KNDC1: variants seen among roughly 807,000 people sequenced by gnomAD.
The protein encoded by KNDC1 is kinase non-catalytic C-lobe domain-containing protein 1.
KNDC1 carries 106 observed loss-of-function variants against 172.8 expected under a neutral mutation model. The ratio of observed to expected loss-of-function variants is 0.61; its 90% CI spans 0.52 to 0.72. KNDC1 has a LOEUF of 0.72. Ranked by LOEUF, KNDC1 falls within the 30% of genes least tolerant of loss-of-function variation. The probability of loss-of-function intolerance (pLI) is 0.00; values close to 1 mark genes in which losing one functional copy is unlikely to be tolerated. For missense variants in KNDC1, 2,325 were observed against 2,394.5 expected (o/e 0.97, Z 0.61); for synonymous variants, 1,083 against 1,062.2 (o/e 1.02, Z -0.38).
At position 133,224,330 on chromosome 10, in the gene KNDC1, C is replaced by G. The variant is rs576189574; in HGVS notation, c.5019-329C>G. Among the ~76,000 whole-genome samples, 7 of 152,300 alleles carry G rather than the reference C, an allele frequency of 4.6e-5. No individual in the cohort carries two copies. Among genetic ancestry groups the G allele is most frequent in the Admixed American group, 6.5e-5 (1 of 15,300 alleles). On this transcript the variant is annotated intron_variant, in intron 29 of 29. Coordinates refer to ENST00000304613, the MANE Select transcript of KNDC1 (RefSeq NM_152643.8). The surrounding 1 kb of genome is among the most constrained non-coding windows in gnomAD (Gnocchi z 5.4). ...CGCTCTGCACGGCAGCAGAGAGTCC[C>G]TTGCCTGCCTCGTCCTCTCAGCTGC...
At chr10:133,202,312 G>A (rs1477285020) in intron 17 of KNDC1, 1 of 479,222 alleles carries the variant, frequency 2.1e-6, no homozygotes, top group Non-Finnish European at 4.1e-6. Context: ...TGCCCAGCAA[G>A]TCTAGACTGG....
chr10:133,225,923 T>C lies in KNDC1; in HGVS notation c.*1033T>C, dbSNP rs1845709846. 1 of 152,252 alleles carries C rather than the reference T, an allele frequency of 6.6e-6. No homozygotes were observed. Among genetic ancestry groups the C allele is most frequent in the African/African-American group, 2.4e-5 (1 of 41,454 alleles). The allele number at this position is 152,252 out of a possible 1,614,324, so 9.4% of individuals were successfully genotyped here. The stretch of plus-strand genomic sequence containing the variant: ...CCGCGCAGTCAGCTCCACATTGGCC[T>C]CTGCAGCTGGGTGACCAGAGCCCCG... On this transcript the variant is annotated 3_prime_UTR_variant, in exon 30 of 30. Coordinates refer to ENST00000304613, the MANE Select transcript of KNDC1 (RefSeq NM_152643.8).
chr10:133,219,314 C>CT (rs1845533211), intron 28 of KNDC1, among the ~76,000 whole-genome samples: 1 of 152,246 alleles, frequency 6.6e-6, no homozygotes, highest in South Asian at 2.1e-4. Flanking sequence ...CCTTGCTGGT[C>CT]TGAGTTCCTC....
At chr10:133,221,038 T>C (rs9419030) in intron 29 of KNDC1, among the ~76,000 whole-genome samples, 122,789 of 151,988 alleles carry the variant, frequency 0.81, 50,422 homozygotes, top group Non-Finnish European at 0.89. Flanking sequence ...TTCCTGCACT[T>C]CTGCTGTCCA....
chr10:133,160,504 G>A lies in KNDC1; in HGVS notation c.37G>A (p.Glu13Lys). ...GGACCCGGCCGCGGCGGATCTTTAC[G>A]AGGAGGACGGCAAAGACCTGGACTT... ...AMDPAAADLY[E>K]EDGKDLDFYD... Residue 13 changes from glutamate to lysine, a missense_variant, in exon 1 of 30, where the codon GAG (glutamate) becomes AAG (lysine). Physicochemically the swap from Glu to Lys is moderately conservative, Grantham distance 56 (BLOSUM62 1). Transcript: ENST00000304613. 1 of 1,590,650 alleles carries A rather than the reference G, an allele frequency of 6.3e-7. No individual in the cohort carries two copies. Among genetic ancestry groups the A allele is most frequent in the Non-Finnish European group, 8.5e-7 (1 of 1,170,424 alleles).
chr10:133,208,444 C>CCCCTT lies in KNDC1; in HGVS notation c.3794+1096_3794+1097insTTCCC, dbSNP rs1320511901. On this transcript the variant is annotated intron_variant, in intron 20 of 29. Coordinates refer to ENST00000304613, the MANE Select transcript of KNDC1 (RefSeq NM_152643.8). ...AAGGACCCTCTAGAGAGGGATGTGG[C>CCCCTT]CCCCCCAACCCCGTTACCCCAAGGA... Among the ~76,000 whole-genome samples, 2 of 33,430 alleles carry CCCCTT rather than the reference C, an allele frequency of 6.0e-5. 1 individual carries two copies. Among genetic ancestry groups the CCCCTT allele is most frequent in the African/African-American group, 2.7e-4 (2 of 7,450 alleles). The allele number at this position is 33,430 out of a possible 152,430, so 21.9% of individuals were successfully genotyped here.
chr10:133,161,993 A>G (rs1249182863), intron 1 of KNDC1, among the ~76,000 whole-genome samples: 1 of 151,924 alleles, frequency 6.6e-6, no homozygotes, highest in East Asian at 1.9e-4. Context: ...CCCCACCCCC[A>G]CGCACACACC....
At chr10:133,160,684 T>G (rs1455569844) in intron 1 of KNDC1, 115 bp downstream of exon 1, 2 of 578,700 alleles carry the variant, frequency 3.5e-6, no homozygotes, top group Non-Finnish European at 5.8e-6. Context: ...GCGCCCTCCA[T>G]GGCCGAGGGG....
In KNDC1 at chr10:133,224,770, C is replaced by T. The variant is rs149015263; in HGVS notation, c.5130C>T (p.Ser1710=). Residue 1710 remains serine, a synonymous_variant, in exon 30 of 30, where the codon AGC becomes AGT. Transcript: ENST00000304613. This position sits in a 1 kb window ranked among gnomAD's most constrained non-coding sequence, Gnocchi z 5.4. Reference sequence around the variant, plus strand: ...TCAAGCAGAGGATTGCCCGCTTCAGCGGTGCCGACATTTCCACACTCGCCG... The same window carrying T: ...TCAAGCAGAGGATTGCCCGCTTCAGTGGTGCCGACATTTCCACACTCGCCG... ...SYLKQRIARF[S]GADISTLAAD... is the part of the protein sequence containing the mutation. 9.9e-6 allele frequency: 16 copies of T among 1,613,912 alleles called. No homozygotes were observed. The highest frequency in any genetic ancestry group is 9.3e-5 in the African/African-American group (7 of 74,926).
At chr10:133,220,789 C>G (rs2998122) in intron 29 of KNDC1, among the ~76,000 whole-genome samples, 6,834 of 30,614 alleles carry the variant, frequency 0.22, 975 homozygotes, top group Middle Eastern at 0.36. Context: ...GCCCAGGAGA[C>G]GAGGGGCTCA....
intron 3 of KNDC1, among the ~76,000 whole-genome samples, chr10:133,179,738 C>G (rs1245678544): frequency 6.6e-6 from 1 of 152,210 alleles, no homozygotes. Context: ...TCGCAGGCGC[C>G]GTGGGAGCTG....
rs1246545609 is a variant in KNDC1 at position 133,199,205 on chromosome 10, C to T, written c.2697C>T (p.Leu899=). The T allele has an allele frequency of 1.9e-6, 3 of 1,581,396 alleles. No homozygotes were observed. The highest frequency in any genetic ancestry group is 1.7e-6 in the Non-Finnish European group (2 of 1,163,904). Residue 899 remains leucine, a synonymous_variant, in exon 14 of 30, where the codon CTC becomes CTT. Transcript: ENST00000304613. ...ACPSLQEATR[L]IQEEFAFDGY... ...CGTCGCTGCAGGAGGCCACGCGCCTCATCCAGGAGGAATTTGCCTTCGATG... is the reference window on the plus strand; with the variant it reads ...CGTCGCTGCAGGAGGCCACGCGCCTTATCCAGGAGGAATTTGCCTTCGATG...
Position 133,195,657 on chromosome 10 carries a change from G to C in KNDC1, c.1576-6G>C. ...GGTAGACACTATTCTCTCCCCACCC[G>C]CCCAGGCCTCTGTGTACTGTGTGGC... On this transcript the variant is annotated splice_region_variant and splice_polypyrimidine_tract_variant and intron_variant, in intron 9 of 29. Transcript: ENST00000304613. 3.2e-6 allele frequency: 5 copies of C among 1,581,096 alleles called. No individual in the cohort carries two copies. The highest frequency in any genetic ancestry group is 2.6e-6 in the Non-Finnish European group (3 of 1,164,080).
At chr10:133,167,237 A>G (rs1408908326) in intron 1 of KNDC1, 144 bp from the exon 2 acceptor site, 6 of 715,198 alleles carry the variant, frequency 8.4e-6, no homozygotes, top group African/African-American at 1.8e-5. Flanking sequence ...AAACAAAATG[A>G]GACGTGGTCT....
intron 3 of KNDC1, 30 bp from the exon 4 acceptor site, chr10:133,183,312 ACT>A (rs1463780955): frequency 1.9e-6 from 3 of 1,561,778 alleles, no homozygotes; most frequent in Non-Finnish European, 2.6e-6. Context: ...ACACGCAGAG[ACT>A]CTGGAGCTGA....
rs532151487 is a variant in KNDC1 at position 133,166,468 on chromosome 10, C to T, written c.103-913C>T. On this transcript the variant is annotated intron_variant, in intron 1 of 29. Coordinates refer to ENST00000304613, the MANE Select transcript of KNDC1 (RefSeq NM_152643.8). The stretch of plus-strand genomic sequence containing the variant: ...GTGTGTGCGGGTGTGCATGTCTGTG[C>T]GTGCATATGGTCAGTGTTAGGCATG... Among the ~76,000 whole-genome samples the T allele has an allele frequency of 5.3e-5, 8 of 152,060 alleles. No homozygotes were observed. The East Asian group carries it at 7.7e-4, about 15-fold the overall frequency.
Position 133,212,927 on chromosome 10 carries a change from G to C in KNDC1, c.4443+5G>C, listed in dbSNP as rs773400009. On this transcript the variant is annotated splice_donor_5th_base_variant and intron_variant, in intron 24 of 29. Transcript: ENST00000304613. ...CAGCTCACGCTGCTACAGCAGGTGA[G>C]GAGGGCGAGGATCTGCGCCCAGGTC... 3 of 1,606,894 alleles carry C rather than the reference G, an allele frequency of 1.9e-6. No individual in the cohort carries two copies. Among genetic ancestry groups the C allele is most frequent in the South Asian group, 2.2e-5 (2 of 90,812 alleles).
chr10:133,168,505 C>T (rs1388603619), intron 3 of KNDC1, among the ~76,000 whole-genome samples, 193 bp downstream of exon 3: 4 of 151,974 alleles, frequency 2.6e-5, no homozygotes, highest in Non-Finnish European at 4.4e-5. Context: ...TCCCCTGCAG[C>T]GTTCTCTGTG....
In KNDC1 at chr10:133,188,571, G is replaced by A. The variant is rs142027877; in HGVS notation, c.1359G>A (p.Leu453=). Residue 453 remains leucine, a synonymous_variant, in exon 7 of 30, where the codon CTG becomes CTA. Coordinates refer to ENST00000304613, the MANE Select transcript of KNDC1 (RefSeq NM_152643.8). ...WVSLQDLLSQ[L]GRPFREYELW... ...CCCTGCAGGACCTCCTGTCCCAGCT[G>A]GGCCGGCCCTTCCGGGAGTACGAGC... 1.5e-3 allele frequency: 2,325 copies of A among 1,585,944 alleles called. 2 individuals carry two copies. The highest frequency in any genetic ancestry group is 1.9e-3 in the Non-Finnish European group (2,192 of 1,166,998).
Sources: gnomAD v4.1 joint callset for allele counts (sites outside exome capture counted in the v4.1 genomes callset) on GRCh38, gnomAD v4.1.1 for gene constraint, Gnocchi (gnomAD v3.1) non-coding constraint, MANE v1.5 for transcripts, NCBI Gene and HGNC (gene_info 2026-07-23, HGNC 2026-07-21) for gene names.